The following ZNF496 variants were observed in gnomAD, a reference collection of about 807,000 sequenced individuals.
The protein encoded by ZNF496 is NSD1 (nuclear receptor binding SET-domain containing 1)-interacting zinc finger protein 1.
ZNF496 carries 11 observed loss-of-function variants against 58.9 expected under a neutral mutation model. The ratio of observed to expected loss-of-function variants is 0.19; its 90% confidence interval spans 0.12 to 0.31. The LOEUF is 0.31. ZNF496 is among the 10% of genes least tolerant of loss of function. The pLI is 1.00. For synonymous variants in ZNF496, 338 were observed against 318.2 expected (o/e 1.06, Z -0.66); for missense variants, 660 against 783.0 (o/e 0.84, Z 1.88).
Position 247,297,486 on chromosome 1 carries a change from G to A in ZNF496, c.*3033C>T, listed in dbSNP as rs562485331. ...CCAAGGGATCAGAGGAACAAAGAGA[G>A]AGGATGTTGCTCAGATGGGGGTCTC... On this transcript the variant is annotated 3_prime_UTR_variant, in exon 10 of 10. Coordinates refer to ENST00000682384, the MANE Select transcript of ZNF496 (RefSeq NM_032752.3). The A allele has an allele frequency of 6.6e-6, 1 of 152,364 alleles. No homozygotes were observed. The highest frequency in any genetic ancestry group is 1.9e-4 in the East Asian group (1 of 5,186). 9.4% of individuals were successfully genotyped at this position (152,364 alleles called of 1,614,324 possible). A position where few individuals can be genotyped will look rare whatever the true frequency, so the allele number is the denominator to read the frequency against.
chr1:247,301,035 G>A lies in ZNF496; in HGVS notation c.1248C>T (p.Arg416=), dbSNP rs1326779738. The A allele has an allele frequency of 6.2e-7, 1 of 1,613,614 alleles. No individual in the cohort carries two copies. The highest frequency in any genetic ancestry group is 1.3e-5 in the African/African-American group (1 of 74,954). ...GATGCCGGATGAAGTTGACCCTCCAGCGGAAGATTTTCCCACAGTTCGGAC... is the reference window on the plus strand; with the variant it reads ...GATGCCGGATGAAGTTGACCCTCCAACGGAAGATTTTCCCACAGTTCGGAC... ...YVCPNCGKIF[R]WRVNFIRHLR... is the part of the protein sequence containing the mutation. Residue 416 remains arginine (R), a synonymous_variant, in exon 10 of 10, where the codon CGC becomes CGT. Transcript: ENST00000682384.
Position 247,329,657 on chromosome 1 carries a change from C to T in ZNF496, c.-37-42G>A. 2 of 1,494,742 alleles carry T rather than the reference C, an allele frequency of 1.3e-6. No individual in the cohort carries two copies. The highest frequency in any genetic ancestry group is 2.8e-5 in the South Asian group (2 of 72,270). 92.6% of individuals were successfully genotyped at this position (1,494,742 alleles called of 1,614,324 possible). On this transcript the variant is annotated intron_variant, in intron 3 of 9. Coordinates refer to ENST00000682384, the MANE Select transcript of ZNF496 (RefSeq NM_032752.3). This position sits in a 1 kb window ranked among gnomAD's most constrained non-coding sequence, Gnocchi z 5.5. ...ATCACTGGCTTCAGTGTTCTGGTCT[C>T]CTGTGGTCATTTCTGGGGGACAGTG...
At chr1:247,325,272 G>A (rs1296502670) in intron 5 of ZNF496, among the ~76,000 whole-genome samples, 2 of 152,248 alleles carry the variant, frequency 1.3e-5, no homozygotes, top group East Asian at 1.9e-4. Context: ...GTCTGAAGGG[G>A]AAGCTCAGGC....
Position 247,329,236 on chromosome 1 carries a change from C to A in ZNF496, c.343G>T (p.Ala115Ser). Residue 115 changes from alanine to serine, a missense_variant, in exon 4 of 10, where the codon GCC becomes TCC. Coordinates refer to ENST00000682384, the MANE Select transcript of ZNF496 (RefSeq NM_032752.3). This position sits in a 1 kb window ranked among gnomAD's most constrained non-coding sequence, Gnocchi z 5.5. ...QEPESGEQAV[A>S]AVEALEREPG... is the part of the protein sequence containing the mutation. ...TCCCGTTCCAGTGCCTCCACCGCGG[C>A]CACAGCCTGCTCTCCGCTCTCAGGC... The A allele has an allele frequency of 6.2e-7, 1 of 1,613,594 alleles. No individual in the cohort carries two copies. The highest frequency in any genetic ancestry group is 8.5e-7 in the Non-Finnish European group (1 of 1,180,022).
intron 6 of ZNF496, among the ~76,000 whole-genome samples, chr1:247,319,931 T>TA (rs1227120032): frequency 6.6e-6 from 1 of 151,862 alleles, no homozygotes; most frequent in African/African-American, 2.4e-5. Flanking sequence ...TCAAACAAAA[T>TA]AAAACAACAC....
chr1:247,321,236 G>A (rs1450691770), intron 6 of ZNF496, among the ~76,000 whole-genome samples: 1 of 152,070 alleles, frequency 6.6e-6, no homozygotes, highest in African/African-American at 2.4e-5. Context: ...TGAACCTTGA[G>A]GACATTATGC....
intron 9 of ZNF496, among the ~76,000 whole-genome samples, chr1:247,305,936 C>A (rs4925617): frequency 1.3e-5 from 2 of 152,078 alleles, no homozygotes; most frequent in Non-Finnish European, 2.9e-5. Context: ...CAAAACAAAA[C>A]AAAACATTTA....
At chr1:247,306,220 G>C (rs1256388835) in intron 9 of ZNF496, among the ~76,000 whole-genome samples, 1 of 151,382 alleles carries the variant, frequency 6.6e-6, no homozygotes, top group Admixed American at 6.6e-5. Flanking sequence ...TTTTAAGATG[G>C]AGTCTTGCTC....
At chr1:247,315,060 C>CTTTTT (rs67977969) in intron 6 of ZNF496, among the ~76,000 whole-genome samples, 1 of 121,470 alleles carries the variant, frequency 8.2e-6, no homozygotes, top group African/African-American at 3.2e-5. Flanking sequence ...CTTGACTAGT[C>CTTTTT]TTTTTTTTTT....
Position 247,326,049 on chromosome 1 carries a change from T to C in ZNF496, c.574+2634A>G, listed in dbSNP as rs866450369. ...ATATATACACACGCATATATATATA[T>C]ACACACACACACACATATATACACA... On this transcript the variant is annotated intron_variant, in intron 5 of 9. Coordinates refer to ENST00000682384, the MANE Select transcript of ZNF496 (RefSeq NM_032752.3). Among the ~76,000 whole-genome samples, 146 of 95,314 alleles carry C rather than the reference T, an allele frequency of 1.5e-3. 1 individual carries two copies. Among genetic ancestry groups the C allele is most frequent in the East Asian group, 9.9e-3 (13 of 1,314 alleles). 62.5% of individuals were successfully genotyped at this position (95,314 alleles called of 152,430 possible).
At chr1:247,317,914 T>TA (rs1659836880) in intron 6 of ZNF496, among the ~76,000 whole-genome samples, 1 of 152,212 alleles carries the variant, frequency 6.6e-6, no homozygotes, top group Admixed American at 6.5e-5. Context: ...ACAGATACGT[T>TA]AGAACTATCT....
rs1041352073 is a variant in ZNF496 at position 247,298,366 on chromosome 1, T to G, written c.*2153A>C. ...TGAGACAGAGTCTCATTCTGTCACC[T>G]AGCTTGTGCAGTGGCATGATCTCGG... On this transcript the variant is annotated 3_prime_UTR_variant, in exon 10 of 10. Transcript: ENST00000682384. The G allele has an allele frequency of 1.3e-5, 2 of 152,232 alleles. No individual in the cohort carries two copies. The highest frequency in any genetic ancestry group is 2.4e-5 in the African/African-American group (1 of 41,464). 9.4% of individuals were successfully genotyped at this position (152,232 alleles called of 1,614,324 possible).
In ZNF496 at chr1:247,309,540, AG is replaced by A; in HGVS notation, c.892+158del. On this transcript the variant is annotated intron_variant, in intron 8 of 9. Coordinates refer to ENST00000682384, the MANE Select transcript of ZNF496 (RefSeq NM_032752.3). This position sits in a 1 kb window ranked among gnomAD's most constrained non-coding sequence, Gnocchi z 4.3. Reference sequence around the variant, plus strand: ...AAGATCCTCCATTCTTTCTATGAAAAGTCAGGGACAAGGCAAGACATGCAAG... The same window carrying A: ...AAGATCCTCCATTCTTTCTATGAAAATCAGGGACAAGGCAAGACATGCAAG... 1 of 1,419,596 alleles carries A rather than the reference AG, an allele frequency of 7.0e-7. No individual in the cohort carries two copies. Among genetic ancestry groups the A allele is most frequent in the Non-Finnish European group, 9.2e-7 (1 of 1,089,770 alleles). 87.9% of individuals were successfully genotyped at this position (1,419,596 alleles called of 1,614,324 possible).
Position 247,308,397 on chromosome 1 carries a change from C to A in ZNF496, c.1006+78G>T. The A allele has an allele frequency of 7.7e-7, 1 of 1,295,790 alleles. No individual in the cohort carries two copies. 80.3% of individuals were successfully genotyped at this position (1,295,790 alleles called of 1,614,324 possible). The stretch of plus-strand genomic sequence containing the variant: ...CATTCAACACAACCATCCCCTATGC[C>A]ACACATGCATACATACATTCATGCG... On this transcript the variant is annotated intron_variant, in intron 9 of 9. Coordinates refer to ENST00000682384, the MANE Select transcript of ZNF496 (RefSeq NM_032752.3). The surrounding 1 kb of genome is among the most constrained non-coding windows in gnomAD (Gnocchi z 4.5).
rs1328888485 is a variant in ZNF496 at position 247,307,219 on chromosome 1, C to T, written c.1006+1256G>A. ...ATCCGGCATCAGCTGGCGGGAAAAG[C>T]CTTTTAGGAAGGCAAGCTGGCAGGA... On this transcript the variant is annotated intron_variant, in intron 9 of 9. Coordinates refer to ENST00000682384, the MANE Select transcript of ZNF496 (RefSeq NM_032752.3). 4 of 985,278 alleles carry T rather than the reference C, an allele frequency of 4.1e-6. No homozygotes were observed. The African/African-American group carries it at 7.0e-5, about 17-fold the overall frequency. The allele number at this position is 985,278 out of a possible 1,614,324, so 61.0% of individuals were successfully genotyped here. A position where few individuals can be genotyped will look rare whatever the true frequency, so the allele number is the denominator to read the frequency against.
chr1:247,322,634 G>T (rs1402031459), intron 6 of ZNF496: 9 of 1,110,650 alleles, frequency 8.1e-6, no homozygotes, highest in African/African-American at 1.6e-5. Flanking sequence ...CAGAGCACCC[G>T]AGTAAGCAAG....
intron 9 of ZNF496, among the ~76,000 whole-genome samples, chr1:247,301,523 T>C (rs1472704345): frequency 6.6e-6 from 1 of 152,044 alleles, no homozygotes; most frequent in African/African-American, 2.4e-5. Context: ...TCCCAGCCAT[T>C]TTCCCTTATC....
At chr1:247,317,684 C>T (rs80303740) in intron 6 of ZNF496, among the ~76,000 whole-genome samples, 12 of 152,314 alleles carry the variant, frequency 7.9e-5, no homozygotes, top group East Asian at 7.7e-4. Flanking sequence ...GGAAACCTGA[C>T]GTTCTCTCAC....
Position 247,309,968 on chromosome 1 carries a change from G to A in ZNF496, c.785-162C>T. ...AGCTGGCAGTGCAGGGGCAGTGGGG[G>A]CAGCACACGCAGGGAGAGCTATGGG... On this transcript the variant is annotated intron_variant, in intron 7 of 9. Transcript: ENST00000682384. This position sits in a 1 kb window ranked among gnomAD's most constrained non-coding sequence, Gnocchi z 4.3. The A allele has an allele frequency of 2.3e-6, 3 of 1,307,828 alleles. No homozygotes were observed. The highest frequency in any genetic ancestry group is 3.1e-6 in the Non-Finnish European group (3 of 979,074). 81.0% of individuals were successfully genotyped at this position (1,307,828 alleles called of 1,614,324 possible).
Sources: gnomAD v4.1 joint callset for allele counts (sites outside exome capture counted in the v4.1 genomes callset) on GRCh38, gnomAD v4.1.1 for gene constraint, Gnocchi (gnomAD v3.1) non-coding constraint, MANE v1.5 for transcripts, NCBI Gene and HGNC (gene_info 2026-07-23, HGNC 2026-07-21) for gene names.